NRXN3: variants seen among roughly 807,000 people sequenced by gnomAD.
NRXN3 encodes neurexin III.
Under a neutral mutation model 137.6 loss-of-function variants are expected in NRXN3, and 32 were observed. The ratio of observed to expected loss-of-function variants is 0.23; its 90% CI spans 0.18 to 0.31. NRXN3 has a LOEUF of 0.31. Among genes scored for constraint, NRXN3 ranks in the 10% least tolerant of loss-of-function variants. NRXN3 has a pLI of 1.00. For missense variants in NRXN3, 1,574 were observed against 2,062.5 expected, an observed-to-expected ratio of 0.76 and a Z score of 4.59; for synonymous variants, 798 against 784.5, an observed-to-expected ratio of 1.02 and a Z score of -0.29.
rs184255313 is a variant in NRXN3 at position 79,750,676 on chromosome 14, C to G, written c.4014+52739C>G. On this transcript the variant is annotated intron_variant, in intron 19 of 20. Transcript: ENST00000335750. ...CCCAATCAGGGCAGGTTATAGTATT[C>G]AATGCCATCTTGTCTTATTGACTGA... is the stretch of plus-strand genomic sequence containing the variant. Among the ~76,000 whole-genome samples, 70 of 152,240 alleles carry G rather than the reference C, an allele frequency of 4.6e-4. 1 individual carries two copies. In the East Asian group the frequency reaches 0.011, roughly 24 times the overall value.
intron 2 of NRXN3, among the ~76,000 whole-genome samples, chr14:78,277,652 C>T (rs1356126595): frequency 2.0e-5 from 3 of 152,270 alleles, no homozygotes; most frequent in East Asian, 1.9e-4. Flanking sequence ...TTTCCTGAAG[C>T]AGCCCCTTGT....
intron 15 of NRXN3, among the ~76,000 whole-genome samples, chr14:79,129,179 C>T (rs1362441477): frequency 1.3e-5 from 2 of 151,906 alleles, no homozygotes; most frequent in African/African-American, 4.8e-5. Flanking sequence ...CTATTTCCTT[C>T]AGTTCTGCTC....
chr14:79,739,991 A>G (rs534665661), intron 19 of NRXN3, among the ~76,000 whole-genome samples: 80 of 152,076 alleles, frequency 5.3e-4, no homozygotes, highest in African/African-American at 1.9e-3. Flanking sequence ...TGCCCTCTGA[A>G]TATGTCCAGA....
At chr14:79,597,963 A>C (rs2097878010) in intron 16 of NRXN3, among the ~76,000 whole-genome samples, 1 of 152,204 alleles carries the variant, frequency 6.6e-6, no homozygotes. Context: ...GCATTCCAAG[A>C]TGCCCGTTGG....
chr14:78,957,372 C>T lies in NRXN3; in HGVS notation c.2395+11C>T. The T allele has an allele frequency of 1.9e-6, 3 of 1,606,618 alleles. No individual in the cohort carries two copies. Among genetic ancestry groups the T allele is most frequent in the Non-Finnish European group, 2.5e-6 (3 of 1,178,892 alleles). ...ATGATGTGGCTGAGGGTGAGTATGA[C>T]TATGGTGAAATTCGTCTGTCTTTTC... On this transcript the variant is annotated intron_variant, in intron 11 of 20. Coordinates refer to ENST00000335750, the MANE Select transcript of NRXN3 (RefSeq NM_001330195.2).
At chr14:79,818,882 C>T (rs2099261710) in intron 20 of NRXN3, among the ~76,000 whole-genome samples, 1 of 152,208 alleles carries the variant, frequency 6.6e-6, no homozygotes, top group African/African-American at 2.4e-5. Context: ...CCTGCACAAA[C>T]ATCTGAGGAT....
intron 15 of NRXN3, among the ~76,000 whole-genome samples, chr14:79,338,780 A>G (rs1235558846): frequency 6.6e-6 from 1 of 152,204 alleles, no homozygotes; most frequent in Non-Finnish European, 1.5e-5. Context: ...ACTTCCAAGG[A>G]CTAAAACTTC....
chr14:79,321,879 A>C (rs2090091253), intron 15 of NRXN3, among the ~76,000 whole-genome samples: 1 of 149,210 alleles, frequency 6.7e-6, no homozygotes, highest in South Asian at 2.1e-4. Flanking sequence ...AAATATAACT[A>C]TATATATACA....
chr14:79,016,804 G>A (rs1693130170), intron 15 of NRXN3, among the ~76,000 whole-genome samples: 1 of 152,144 alleles, frequency 6.6e-6, no homozygotes, highest in Admixed American at 6.6e-5. Flanking sequence ...CTCCAGCCAA[G>A]GCTCCTGGGT....
intron 4 of NRXN3, among the ~76,000 whole-genome samples, chr14:78,523,708 T>G (rs1468348186): frequency 4.8e-5 from 7 of 144,662 alleles, no homozygotes; most frequent in Non-Finnish European, 6.0e-5. Flanking sequence ...TCCCAGCTAC[T>G]TGGGAGGCTG....
intron 9 of NRXN3, among the ~76,000 whole-genome samples, chr14:78,807,796 T>A (rs2098885841): frequency 6.7e-6 from 1 of 150,268 alleles, no homozygotes; most frequent in Non-Finnish European, 1.5e-5. Context: ...AAAAAAACTT[T>A]CTATCATTTA....
chr14:79,149,144 G>C (rs1257097966), intron 15 of NRXN3, among the ~76,000 whole-genome samples: 3 of 152,060 alleles, frequency 2.0e-5, no homozygotes, highest in African/African-American at 7.2e-5. Context: ...AATCTTGGGA[G>C]ATCAGCAACA....
chr14:78,946,845 C>G (rs1567787340), intron 10 of NRXN3, among the ~76,000 whole-genome samples: 1 of 152,060 alleles, frequency 6.6e-6, no homozygotes, highest in Non-Finnish European at 1.5e-5. Flanking sequence ...TTAAGTCTTA[C>G]TTAAGGGGAA....
chr14:78,304,121 G>T (rs2077132801), intron 4 of NRXN3, among the ~76,000 whole-genome samples: 2 of 152,094 alleles, frequency 1.3e-5, no homozygotes, highest in South Asian at 4.1e-4. Context: ...CAACCCTCAT[G>T]ACCCCAAATC....
At chr14:78,225,895 G>A (rs1256561220) in intron 1 of NRXN3, among the ~76,000 whole-genome samples, 1 of 151,540 alleles carries the variant, frequency 6.6e-6, no homozygotes, top group Non-Finnish European at 1.5e-5. Context: ...ACCCTGGCTG[G>A]GATCTTTGGG....
chr14:79,224,399 C>T (rs1453303323), intron 15 of NRXN3, among the ~76,000 whole-genome samples: 1 of 152,064 alleles, frequency 6.6e-6, no homozygotes, highest in Admixed American at 6.6e-5. Context: ...TCATTTAAAA[C>T]TTTAATAATT....
intron 15 of NRXN3, among the ~76,000 whole-genome samples, chr14:79,376,257 T>C (rs1454252123): frequency 0.015 from 718 of 47,246 alleles, 20 homozygotes; most frequent in African/African-American, 0.034. Flanking sequence ...TATATATATA[T>C]ATATATATAC....
intron 16 of NRXN3, among the ~76,000 whole-genome samples, chr14:79,610,329 G>A (rs1174974730): frequency 5.3e-5 from 8 of 152,178 alleles, no homozygotes; most frequent in Non-Finnish European, 1.2e-4. Context: ...ACTTCAGGTG[G>A]TGGTATTAGG....
chr14:78,464,854 A>G (rs1482999395), intron 4 of NRXN3, among the ~76,000 whole-genome samples: 2 of 152,202 alleles, frequency 1.3e-5, no homozygotes, highest in Admixed American at 6.5e-5. Flanking sequence ...CGTAAATGCT[A>G]TCTTCCACTC....
Sources: gnomAD v4.1 joint callset for allele counts (sites outside exome capture counted in the v4.1 genomes callset) on GRCh38, gnomAD v4.1.1 for gene constraint, MANE v1.5 for transcripts, NCBI Gene and HGNC (gene_info 2026-07-23, HGNC 2026-07-21) for gene names.